The following C19orf47 variants were observed in gnomAD, a reference collection of about 807,000 sequenced individuals.
The protein encoded by C19orf47 is chromosome 19 open reading frame 47, also known as uncharacterized protein C19orf47.
Under a neutral mutation model 32.3 loss-of-function variants are expected in C19orf47, and 18 were observed. The observed-to-expected ratio is 0.56, with a 90% CI of 0.39 to 0.83. The LOEUF is 0.83. C19orf47 is among the 40% of genes least tolerant of loss of function. The pLI, the probability that C19orf47 is intolerant of heterozygous loss-of-function variation, is 0.00. For missense variants in C19orf47, 484 were observed against 531.6 expected (o/e 0.91, Z 0.88); for synonymous variants, 202 against 211.1 (o/e 0.96, Z 0.37).
At chr19:40,300,022 C>G in the C19orf47 span, among the ~76,000 whole-genome samples, 1 of 151,476 alleles carries the variant, frequency 6.6e-6, no homozygotes, top group Non-Finnish European at 1.5e-5. Context: ...GAGCGAAACT[C>G]CATCTGAAAA....
intron 7 of C19orf47, 65 bp downstream of exon 7, chr19:40,326,269 C>A: frequency 6.3e-7 from 1 of 1,594,212 alleles, no homozygotes; most frequent in Non-Finnish European, 8.6e-7. Flanking sequence ...ATATGACGGG[C>A]CCTGTGTGAT....
intron 6 of C19orf47, among the ~76,000 whole-genome samples, chr19:40,327,305 C>T (rs2077853228): frequency 1.3e-5 from 2 of 150,748 alleles, no homozygotes; most frequent in South Asian, 2.1e-4. Context: ...TGAGCCACCC[C>T]GCCCAGCCTT....
At chr19:40,323,317 C>G (rs1025196449) in intron 8 of C19orf47, among the ~76,000 whole-genome samples, 21 of 152,238 alleles carry the variant, frequency 1.4e-4, no homozygotes, top group African/African-American at 5.1e-4. Context: ...CTACAGCCAT[C>G]CTTGGAGGTG....
intron 5 of C19orf47, among the ~76,000 whole-genome samples, chr19:40,331,976 T>G (rs887108697): frequency 4.1e-5 from 6 of 147,642 alleles, no homozygotes; most frequent in African/African-American, 1.5e-4. Context: ...AGGTGGAGGT[T>G]GCAGTGAGCC....
At chr19:40,314,961 G>A (rs1003766738), downstream of C19orf47, among the ~76,000 whole-genome samples, 1 of 152,088 alleles carries the variant, frequency 6.6e-6, no homozygotes. Context: ...CCCAGCTGAG[G>A]GGCATCCCAT....
At chr19:40,333,055 C>T (rs556828884) in intron 5 of C19orf47, among the ~76,000 whole-genome samples, 1 of 152,078 alleles carries the variant, frequency 6.6e-6, no homozygotes, top group Non-Finnish European at 1.5e-5. Flanking sequence ...GTCAGGAGTT[C>T]GAGACCAGCC....
chr19:40,310,285 C>G, the C19orf47 span, among the ~76,000 whole-genome samples: 3 of 151,900 alleles, frequency 2.0e-5, no homozygotes, highest in Non-Finnish European at 2.9e-5. Flanking sequence ...ATGTATAATC[C>G]CAGTGCTTTC....
Position 40,322,126 on chromosome 19 carries a change from C to T in C19orf47, c.914G>A (p.Arg305Lys). 1 of 1,614,110 alleles carries T rather than the reference C, an allele frequency of 6.2e-7. No individual in the cohort carries two copies. ...LALSSRSGLE[R>K]KPESLSKVSI... The stretch of plus-strand genomic sequence containing the variant: ...GACTTTAGACAAGGACTCCGGCTTC[C>T]TCTCAAGCCCAGACCGTGAGGAAAG... The change falls in exon 9 of 9, where the codon AGG becomes AAG. Residue 305 changes from arginine to lysine, a missense_variant. This residue lies in a region of C19orf47 where 376 missense variants were observed against 370.2 expected (regional missense o/e 1.02). Coordinates refer to ENST00000683109, the MANE Select transcript of C19orf47 (RefSeq NM_001256441.2).
chr19:40,330,823 T>A (rs1242202162), intron 5 of C19orf47, among the ~76,000 whole-genome samples: 1 of 152,126 alleles, frequency 6.6e-6, no homozygotes, highest in African/African-American at 2.4e-5. Context: ...CATACCCAGC[T>A]GAACATTTCA....
chr19:40,302,610 A>G, the C19orf47 span, among the ~76,000 whole-genome samples: 3 of 152,086 alleles, frequency 2.0e-5, no homozygotes, highest in African/African-American at 7.2e-5. Context: ...TCTCATTGTG[A>G]TTGTGTCTGG....
the C19orf47 span, among the ~76,000 whole-genome samples, chr19:40,303,072 A>G: frequency 6.6e-6 from 1 of 151,910 alleles, no homozygotes; most frequent in African/African-American, 2.4e-5. Context: ...GAAACCCCAT[A>G]CAAAAATTAG....
At chr19:40,333,031 G>A (rs2077986947) in intron 5 of C19orf47, among the ~76,000 whole-genome samples, 1 of 152,138 alleles carries the variant, frequency 6.6e-6, no homozygotes, top group African/African-American at 2.4e-5. Flanking sequence ...GCCGAAGCAG[G>A]CAGATCACTT....
chr19:40,347,283 A>C (rs534073235), intron 1 of C19orf47, among the ~76,000 whole-genome samples: 31 of 152,180 alleles, frequency 2.0e-4, no homozygotes, highest in African/African-American at 7.5e-4. Flanking sequence ...TAATCCCAGC[A>C]CTTTGGGAGG....
intron 1 of C19orf47, among the ~76,000 whole-genome samples, chr19:40,348,056 A>G (rs938298059): frequency 6.6e-6 from 1 of 152,148 alleles, no homozygotes; most frequent in Non-Finnish European, 1.5e-5. Context: ...AATACTAATA[A>G]TAATAGTATA....
At chr19:40,304,906 T>C in the C19orf47 span, among the ~76,000 whole-genome samples, 1 of 152,196 alleles carries the variant, frequency 6.6e-6, no homozygotes, top group Non-Finnish European at 1.5e-5. Context: ...TGTACTAGGC[T>C]GATTTTTATT....
the C19orf47 span, among the ~76,000 whole-genome samples, chr19:40,309,352 C>A: frequency 1.3e-5 from 2 of 152,026 alleles, no homozygotes; most frequent in Non-Finnish European, 2.9e-5. Context: ...CCACTCCTGG[C>A]TAATTTTTGT....
intron 1 of C19orf47, 79 bp from the exon 2 acceptor site, chr19:40,341,969 G>A (rs1393751242): frequency 3.9e-6 from 6 of 1,533,122 alleles, no homozygotes; most frequent in South Asian, 1.2e-5. Context: ...CTGTCTGTCT[G>A]CATGCCAGAG....
intron 6 of C19orf47, among the ~76,000 whole-genome samples, chr19:40,327,959 G>C (rs1413750922): frequency 6.6e-6 from 1 of 152,180 alleles, no homozygotes; most frequent in Non-Finnish European, 1.5e-5. Flanking sequence ...GGGGAGCCCC[G>C]GAGAGTTACA....
chr19:40,317,727 T>G (rs947381762), downstream of C19orf47, among the ~76,000 whole-genome samples: 3 of 150,848 alleles, frequency 2.0e-5, no homozygotes, highest in Admixed American at 1.3e-4. Flanking sequence ...GTTTTTTTTT[T>G]GTTTTTTTTT....
Sources: gnomAD v4.1 joint callset for allele counts (sites outside exome capture counted in the v4.1 genomes callset) on GRCh38, gnomAD v4.1.1 for gene constraint, gnomAD v4.1.1 regional missense constraint, MANE v1.5 for transcripts, NCBI Gene and HGNC (gene_info 2026-07-23, HGNC 2026-07-21) for gene names.